The following ZNF521 variants were observed in gnomAD, a reference collection of about 807,000 sequenced individuals.
The protein encoded by ZNF521 is zinc finger protein 521, also known as LYST-interacting protein 3.
Under a neutral mutation model 105.5 loss-of-function variants are expected in ZNF521, and 14 were observed. The ratio of observed to expected loss-of-function variants is 0.13; its 90% CI spans 0.09 to 0.21. The LOEUF (loss-of-function observed/expected upper bound fraction) is 0.21, where lower values mean the gene tolerates loss of function less well. ZNF521 is among the 10% of genes least tolerant of loss of function. The pLI is 1.00. For missense variants in ZNF521, 1,233 were observed against 1,629.7 expected, an observed-to-expected ratio of 0.76 and a Z score of 4.19; for synonymous variants, 635 against 606.0, an observed-to-expected ratio of 1.05 and a Z score of -0.70.
At chr18:25,243,515 A>G (rs989350042) in intron 3 of ZNF521, among the ~76,000 whole-genome samples, 1 of 152,236 alleles carries the variant, frequency 6.6e-6, no homozygotes, top group Non-Finnish European at 1.5e-5. Context: ...GTATCAGCAG[A>G]AGATCTGGTG....
intron 4 of ZNF521, 21 bp from the exon 5 acceptor site, chr18:25,195,265 A>G: frequency 6.6e-7 from 1 of 1,525,078 alleles, no homozygotes; most frequent in Non-Finnish European, 8.9e-7. Context: ...AAGTATAAAC[A>G]GAGTTACTTA....
intron 2 of ZNF521, among the ~76,000 whole-genome samples, chr18:25,350,072 C>G (rs1218996868): frequency 3.3e-5 from 5 of 152,162 alleles, no homozygotes; most frequent in African/African-American, 1.2e-4. Context: ...TGACTCTCCT[C>G]GCCACATTCC....
At chr18:25,345,449 A>T (rs1914419004) in intron 2 of ZNF521, 1 of 152,170 alleles carries the variant, frequency 6.6e-6, no homozygotes, top group African/African-American at 2.4e-5. Flanking sequence ...GTATGCTTTT[A>T]TGTTCAGTAT....
At chr18:25,271,967 T>A (rs1362662076) in intron 3 of ZNF521, among the ~76,000 whole-genome samples, 3 of 152,024 alleles carry the variant, frequency 2.0e-5, no homozygotes, top group Non-Finnish European at 4.4e-5. Flanking sequence ...ATCATCAGAG[T>A]GAAGAGGCAA....
intron 7 of ZNF521, among the ~76,000 whole-genome samples, chr18:25,078,459 G>A (rs924436635): frequency 6.6e-6 from 1 of 152,186 alleles, no homozygotes; most frequent in Non-Finnish European, 1.5e-5. Flanking sequence ...ACGAGACGAT[G>A]TGACTAATGC....
chr18:25,115,754 A>G (rs1403780587), intron 5 of ZNF521, among the ~76,000 whole-genome samples: 1 of 152,196 alleles, frequency 6.6e-6, no homozygotes, highest in African/African-American at 2.4e-5. Flanking sequence ...TCAGTGATGA[A>G]TGTTCAAGCC....
At chr18:25,181,169 T>C (rs1416934050) in intron 5 of ZNF521, among the ~76,000 whole-genome samples, 1 of 152,170 alleles carries the variant, frequency 6.6e-6, no homozygotes, top group African/African-American at 2.4e-5. Context: ...TTCCAACCTT[T>C]CAGCTCATCT....
intron 7 of ZNF521, among the ~76,000 whole-genome samples, chr18:25,088,794 T>C (rs1237693550): frequency 6.6e-6 from 1 of 152,236 alleles, no homozygotes; most frequent in African/African-American, 2.4e-5. Flanking sequence ...TTATATCTTA[T>C]ATCCATACCC....
rs535000394 is a variant in ZNF521, at chr18:25,256,042, GAT to G, written c.221-28347_221-28346del. On this transcript the variant is annotated intron_variant, in intron 3 of 7. Coordinates refer to ENST00000361524, the MANE Select transcript of ZNF521 (RefSeq NM_015461.3). ...TATGGTATATATATGGTATATATATGATATATATATATGTAAAATGGGATATT... is the reference window on the plus strand; with the variant it reads ...TATGGTATATATATGGTATATATATGATATATATATGTAAAATGGGATATT... 4.0e-3 allele frequency among the ~76,000 whole-genome samples: 594 copies of G among 146,716 alleles called. 7 individuals carry two copies. The highest frequency in any genetic ancestry group is 0.014 in the African/African-American group (560 of 40,130).
intron 5 of ZNF521, among the ~76,000 whole-genome samples, chr18:25,171,550 C>G (rs45608834): frequency 6.6e-6 from 1 of 152,090 alleles, no homozygotes; most frequent in Non-Finnish European, 1.5e-5. Flanking sequence ...GTAATCCTTA[C>G]TAGTTCAGAT....
chr18:25,238,754 G>A (rs1288576225), intron 3 of ZNF521, among the ~76,000 whole-genome samples: 3 of 152,098 alleles, frequency 2.0e-5, no homozygotes, highest in East Asian at 1.9e-4. Flanking sequence ...AGATGACACA[G>A]GGCAGCATTT....
At chr18:25,293,270 T>C (rs1462581239) in intron 3 of ZNF521, among the ~76,000 whole-genome samples, 3 of 151,816 alleles carry the variant, frequency 2.0e-5, no homozygotes, top group Non-Finnish European at 4.4e-5. Flanking sequence ...TAGCAAACAC[T>C]CCTCTACCTT....
chr18:25,180,288 G>A (rs1013355698), intron 5 of ZNF521, among the ~76,000 whole-genome samples: 19 of 152,140 alleles, frequency 1.2e-4, no homozygotes, highest in African/African-American at 3.9e-4. Context: ...CCTGGACATA[G>A]AATGCAATAT....
chr18:25,293,659 A>C (rs1016358975), intron 3 of ZNF521, among the ~76,000 whole-genome samples: 1 of 152,148 alleles, frequency 6.6e-6, no homozygotes, highest in African/African-American at 2.4e-5. Flanking sequence ...CTGCTTTGTT[A>C]GTGTTCATTT....
chr18:25,118,034 C>G (rs1457859150), intron 5 of ZNF521, among the ~76,000 whole-genome samples: 1 of 151,928 alleles, frequency 6.6e-6, no homozygotes, highest in Non-Finnish European at 1.5e-5. Context: ...CAAAAACAAA[C>G]CCCAAACTCA....
At chr18:25,268,282 T>C (rs952709140) in intron 3 of ZNF521, among the ~76,000 whole-genome samples, 4 of 152,162 alleles carry the variant, frequency 2.6e-5, no homozygotes, top group Non-Finnish European at 4.4e-5. Context: ...TATGAGACTA[T>C]GTGAAAAGAC....
At chr18:25,346,816 T>C (rs192496619) in intron 2 of ZNF521, among the ~76,000 whole-genome samples, 2 of 152,328 alleles carry the variant, frequency 1.3e-5, no homozygotes, top group African/African-American at 4.8e-5. Flanking sequence ...GTCCCTGGTA[T>C]GGGTTTATGA....
intron 4 of ZNF521, among the ~76,000 whole-genome samples, chr18:25,197,724 G>C (rs2035926352): frequency 6.6e-6 from 1 of 151,678 alleles, no homozygotes; most frequent in African/African-American, 2.4e-5. Flanking sequence ...TCTAAGCTCT[G>C]GTGCTACAAA....
At chr18:25,127,948 A>T (rs2034567047) in intron 5 of ZNF521, among the ~76,000 whole-genome samples, 1 of 152,034 alleles carries the variant, frequency 6.6e-6, no homozygotes, top group Non-Finnish European at 1.5e-5. Flanking sequence ...ACAGAATCAG[A>T]GAGAACATTT....
Sources: gnomAD v4.1 joint callset for allele counts (sites outside exome capture counted in the v4.1 genomes callset) on GRCh38, gnomAD v4.1.1 for gene constraint, MANE v1.5 for transcripts, NCBI Gene and HGNC (gene_info 2026-07-23, HGNC 2026-07-21) for gene names.